Variants in TMEM196 observed in about 807,000 individuals in gnomAD.
TMEM196 encodes the protein transmembrane protein 196.
In TMEM196, 17 loss-of-function variants were observed where a neutral mutation model predicts 20.0. That is an observed-to-expected ratio of 0.85 (90% CI 0.58 to 1.27). The LOEUF (loss-of-function observed/expected upper bound fraction) is 1.27. Ranked by LOEUF, TMEM196 falls within the 50% of genes most tolerant of loss-of-function variation. The pLI is 0.00. For missense variants in TMEM196, 267 were observed against 223.0 expected (o/e 1.20, Z -1.26); for synonymous variants, 113 against 88.9 (o/e 1.27, Z -1.52).
chr7:19,747,115 C>T (rs1016586571), intron 1 of TMEM196, among the ~76,000 whole-genome samples: 8 of 151,056 alleles, frequency 5.3e-5, no homozygotes, highest in Non-Finnish European at 1.2e-4. Flanking sequence ...ATTAGCCGGG[C>T]GTAGTGGCGG....
At position 19,736,215 on chromosome 7, in the gene TMEM196, A is replaced by G. The variant is rs183850164; in HGVS notation, c.148-6777T>C. ...TGGTTCAACACACAAAATGCACATA[A>G]AAAGCATTTCATAGTTTTCTTGATA... On this transcript the variant is annotated intron_variant, in intron 1 of 4. Coordinates refer to ENST00000405844, the MANE Select transcript of TMEM196 (RefSeq NM_001363562.2). Among the ~76,000 whole-genome samples, 7 of 151,594 alleles carry G rather than the reference A, an allele frequency of 4.6e-5. No individual in the cohort carries two copies. The East Asian group carries it at 1.4e-3, about 29-fold the overall frequency.
intron 1 of TMEM196, among the ~76,000 whole-genome samples, chr7:19,751,461 T>C (rs1784958048): frequency 6.6e-6 from 1 of 152,240 alleles, no homozygotes. Context: ...AGACATGTGC[T>C]GTAAATTTGG....
Position 19,722,286 on chromosome 7 carries a change from T to TA in TMEM196, c.534-153dup. ...GATATTGCTGTTATATTTGAGGAAA[T>TA]AAAATTTCATGGCATCTTGGAGCAC... On this transcript the variant is annotated intron_variant, in intron 4 of 4. Transcript: ENST00000405844. 4.8e-6 allele frequency: 3 copies of TA among 625,792 alleles called. No individual in the cohort carries two copies. The South Asian group carries it at 6.5e-5, about 14-fold the overall frequency. The allele number at this position is 625,792 out of a possible 1,614,324, so 38.8% of individuals were successfully genotyped here. A position where few individuals can be genotyped will look rare whatever the true frequency, so the allele number is the denominator to read the frequency against.
intron 2 of TMEM196, 145 bp from the exon 3 acceptor site, chr7:19,725,913 T>A (rs1783985020): frequency 2.8e-6 from 2 of 710,336 alleles, no homozygotes; most frequent in Non-Finnish European, 3.9e-6. Flanking sequence ...GGACAGGAGA[T>A]TTTTTTTTTA....
Position 19,725,685 on chromosome 7 carries a change from T to G in TMEM196, c.288A>C (p.Lys96Asn). 6.2e-7 allele frequency: 1 copy of G among 1,613,796 alleles called. No individual in the cohort carries two copies. Among genetic ancestry groups the G allele is most frequent in the Non-Finnish European group, 8.5e-7 (1 of 1,179,782 alleles). Residue 96 changes from lysine to asparagine, a missense_variant, in exon 3 of 5, where the codon AAA becomes AAC. Coordinates refer to ENST00000405844, the MANE Select transcript of TMEM196 (RefSeq NM_001363562.2). ...NFQFLRAVTKKTSSLYPLHLA... is the reference protein window; with the variant it reads ...NFQFLRAVTKNTSSLYPLHLA... ...GGTGCAGTGGGTATAGGGAGGAAGT[T>G]TTCTTTGTGACTGCCCGGAGGAACT...
rs73682818 is a variant in TMEM196 at position 19,748,993 on chromosome 7, T to C, written c.148-19555A>G. On this transcript the variant is annotated intron_variant, in intron 1 of 4. Transcript: ENST00000405844. ...CACATTTTATTCTTAAACTAGAAAA[T>C]TATTATGAATCAATGTAAATAGTGA... Among the ~76,000 whole-genome samples, 928 of 152,296 alleles carry C rather than the reference T, an allele frequency of 6.1e-3. 7 individuals carry two copies. Among genetic ancestry groups the C allele is most frequent in the African/African-American group, 0.021 (865 of 41,564 alleles).
At position 19,725,513 on chromosome 7, in the gene TMEM196, C is replaced by G; in HGVS notation, c.459+1G>C. On this transcript the variant is annotated splice_donor_variant, in intron 3 of 4. Transcript: ENST00000405844. LOFTEE classifies it high-confidence loss of function. Reference sequence around the variant, plus strand: ...GTGAGAGGAAAAGGTACAAAACTCACTTTCTCAGCCATTTCATGAGAGTGA... The same window carrying G: ...GTGAGAGGAAAAGGTACAAAACTCAGTTTCTCAGCCATTTCATGAGAGTGA... 4 of 1,601,926 alleles carry G rather than the reference C, an allele frequency of 2.5e-6. No homozygotes were observed. Among genetic ancestry groups the G allele is most frequent in the Non-Finnish European group, 2.6e-6 (3 of 1,169,784 alleles).
chr7:19,736,784 A>G (rs980688867), intron 1 of TMEM196, among the ~76,000 whole-genome samples: 2 of 152,122 alleles, frequency 1.3e-5, no homozygotes, highest in East Asian at 1.9e-4. Context: ...TGTTCAAAAC[A>G]TAAGGTCAAA....
intron 1 of TMEM196, among the ~76,000 whole-genome samples, chr7:19,741,513 T>C (rs1405249715): frequency 1.3e-5 from 2 of 152,168 alleles, no homozygotes; most frequent in Non-Finnish European, 2.9e-5. Context: ...AAAACAGTTA[T>C]GGTTAGTCAT....
intron 4 of TMEM196, 130 bp from the exon 5 acceptor site, chr7:19,722,264 A>C: frequency 1.5e-6 from 1 of 682,884 alleles, no homozygotes; most frequent in Non-Finnish European, 2.4e-6. Context: ...AGACAAGGAT[A>C]TTGCTGTTAT....
intron 1 of TMEM196, among the ~76,000 whole-genome samples, chr7:19,763,239 C>T (rs185401087): frequency 1.3e-4 from 20 of 152,198 alleles, no homozygotes; most frequent in Admixed American, 7.2e-4. Context: ...AATGGTGTAA[C>T]GAAAGCAGTT....
At chr7:19,753,967 T>A (rs1167417992) in intron 1 of TMEM196, among the ~76,000 whole-genome samples, 1 of 152,240 alleles carries the variant, frequency 6.6e-6, no homozygotes, top group Non-Finnish European at 1.5e-5. Context: ...TCTATGACCC[T>A]CTTCACCTTC....
intron 1 of TMEM196, among the ~76,000 whole-genome samples, chr7:19,742,161 T>C (rs936196857): frequency 5.3e-5 from 8 of 152,132 alleles, no homozygotes; most frequent in African/African-American, 1.9e-4. Context: ...CTCAGGACAT[T>C]AAAATATCAG....
rs563695678 is a variant in TMEM196, at chr7:19,760,083, A to C, written c.147+12467T>G. 2.6e-5 allele frequency among the ~76,000 whole-genome samples: 4 copies of C among 152,216 alleles called. No homozygotes were observed. The South Asian group carries it at 8.3e-4, about 32-fold the overall frequency. On this transcript the variant is annotated intron_variant, in intron 1 of 4. Transcript: ENST00000405844. Reference sequence around the variant, plus strand: ...TCTAATTTTTACCCCTATTAGGCTCACTATCTCACTCAATGCCTTCTACCT... The same window carrying C: ...TCTAATTTTTACCCCTATTAGGCTCCCTATCTCACTCAATGCCTTCTACCT...
chr7:19,747,109 G>A (rs1313687794), intron 1 of TMEM196, among the ~76,000 whole-genome samples: 1 of 151,362 alleles, frequency 6.6e-6, no homozygotes, highest in African/African-American at 2.4e-5. Flanking sequence ...CAAAAAATTA[G>A]CCGGGCGTAG....
In TMEM196 at chr7:19,759,867, C is replaced by T. The variant is rs141834551; in HGVS notation, c.147+12683G>A. On this transcript the variant is annotated intron_variant, in intron 1 of 4. Transcript: ENST00000405844. ...TTTTTTACCACCTCTGCTTTCATTG[C>T]AGTAACCATTGTATCATACATCTTA... Among the ~76,000 whole-genome samples, 121 of 152,260 alleles carry T rather than the reference C, an allele frequency of 7.9e-4. 3 individuals carry two copies. In the East Asian group the frequency reaches 0.019, roughly 24 times the overall value.
intron 1 of TMEM196, among the ~76,000 whole-genome samples, chr7:19,767,171 G>T (rs1444844366): frequency 6.6e-6 from 1 of 151,992 alleles, no homozygotes; most frequent in Non-Finnish European, 1.5e-5. Flanking sequence ...ACAGAATCTA[G>T]ACTAAGAAAT....
intron 3 of TMEM196, among the ~76,000 whole-genome samples, 191 bp from the exon 4 acceptor site, chr7:19,724,544 G>A (rs1298497054): frequency 2.6e-5 from 4 of 152,048 alleles, no homozygotes; most frequent in Non-Finnish European, 5.9e-5. Flanking sequence ...GTTTCATGAA[G>A]GACATGCATA....
intron 1 of TMEM196, among the ~76,000 whole-genome samples, chr7:19,746,773 CA>C (rs1784769839): frequency 6.6e-6 from 1 of 152,164 alleles, no homozygotes; most frequent in Admixed American, 6.5e-5. Context: ...GGCCACCTTC[CA>C]AAATAATTAA....
Sources: gnomAD v4.1 joint callset for allele counts (sites outside exome capture counted in the v4.1 genomes callset) on GRCh38, gnomAD v4.1.1 for gene constraint, MANE v1.5 for transcripts, NCBI Gene and HGNC (gene_info 2026-07-23, HGNC 2026-07-21) for gene names.